Variants in CNIH3 observed in about 807,000 individuals in gnomAD.
CNIH3 encodes the protein protein cornichon homolog 3.
Under a neutral mutation model 24.1 loss-of-function variants are expected in CNIH3, and 14 were observed. That is an observed-to-expected ratio of 0.58 (90% confidence interval 0.38 to 0.91). The LOEUF (loss-of-function observed/expected upper bound fraction) is 0.91. CNIH3 is among the 40% of genes least tolerant of loss of function. The pLI, the probability that CNIH3 is intolerant of heterozygous loss-of-function variation, is 0.00. For synonymous variants in CNIH3, 68 were observed against 73.8 expected (o/e 0.92, Z 0.40); for missense variants, 178 against 196.8 (o/e 0.90, Z 0.57).
At position 224,561,119 on chromosome 1, in the gene CNIH3, T is replaced by C. The variant is rs143403561; in HGVS notation, n.451-5080T>C. Among the ~76,000 whole-genome samples, 6 of 152,336 alleles carry C rather than the reference T, an allele frequency of 3.9e-5. No homozygotes were observed. The East Asian group carries it at 1.2e-3, about 29-fold the overall frequency. ...GATTAACTTTTACCAGTTTTTAATATAGTCTGGTTATGAGCCTCTTAGTTA... is the reference window on the plus strand; with the variant it reads ...GATTAACTTTTACCAGTTTTTAATACAGTCTGGTTATGAGCCTCTTAGTTA... On this transcript the variant is annotated intron_variant and non_coding_transcript_variant, in intron 3 of 5. Coordinates refer to the CNIH3 transcript ENST00000471578.
chr1:224,508,110 A>G (rs1447662942), intron 1 of CNIH3, among the ~76,000 whole-genome samples: 1 of 152,176 alleles, frequency 6.6e-6, no homozygotes, highest in East Asian at 1.9e-4. Context: ...GTGAGAATCT[A>G]CTCCTGAAAT....
chr1:224,667,208 G>A (rs559666964), intron 1 of CNIH3, among the ~76,000 whole-genome samples: 6 of 152,254 alleles, frequency 3.9e-5, no homozygotes, highest in Non-Finnish European at 5.9e-5. Context: ...TAGAATCCTC[G>A]AATTTCATAA....
intron 3 of CNIH3, among the ~76,000 whole-genome samples, chr1:224,610,456 T>A (rs1682637446): frequency 6.6e-6 from 1 of 152,224 alleles, no homozygotes; most frequent in Non-Finnish European, 1.5e-5. Context: ...GGCAATTCCC[T>A]TTCACTCTCT....
intron 1 of CNIH3, among the ~76,000 whole-genome samples, chr1:224,627,718 G>A (rs1683607409): frequency 6.6e-6 from 1 of 152,166 alleles, no homozygotes; most frequent in Non-Finnish European, 1.5e-5. Context: ...GAGTCAATGC[G>A]CTGCCATCTC....
intron 1 of CNIH3, among the ~76,000 whole-genome samples, chr1:224,519,468 A>G (rs1360520486): frequency 2.0e-5 from 3 of 152,198 alleles, no homozygotes; most frequent in South Asian, 2.1e-4. Flanking sequence ...CTTAGCCTCT[A>G]TGATTGCGGG....
At chr1:224,614,193 T>C (rs1339984339), upstream of CNIH3, among the ~76,000 whole-genome samples, 2 of 152,210 alleles carry the variant, frequency 1.3e-5, no homozygotes, top group Non-Finnish European at 2.9e-5. Flanking sequence ...TATTTCTTTA[T>C]AGCAATGCAA....
chr1:224,446,590 T>C (rs1675174940), intron 1 of CNIH3, among the ~76,000 whole-genome samples: 1 of 152,172 alleles, frequency 6.6e-6, no homozygotes, highest in South Asian at 2.1e-4. Context: ...CAACAGGGAC[T>C]TCATCATCAA....
chr1:224,681,175 A>C, intron 2 of CNIH3, 149 bp downstream of exon 2: 1 of 692,040 alleles, frequency 1.4e-6, no homozygotes, highest in South Asian at 1.8e-5. Context: ...GTTGTGGAGG[A>C]GCCTTCTCAT....
chr1:224,685,971 T>G (rs768836572), intron 3 of CNIH3, among the ~76,000 whole-genome samples: 20 of 152,176 alleles, frequency 1.3e-4, no homozygotes, highest in Admixed American at 2.6e-4. Context: ...TTTTTCCAGA[T>G]AATGTCTTGG....
chr1:224,487,446 T>C (rs1451593495), intron 1 of CNIH3, among the ~76,000 whole-genome samples: 1 of 152,176 alleles, frequency 6.6e-6, no homozygotes, highest in Non-Finnish European at 1.5e-5. Flanking sequence ...TTTTGATCTT[T>C]TACCCTCTAG....
rs575633826 is a variant in CNIH3, at chr1:224,448,459, T to TA, written n.203+13598dup. Among the ~76,000 whole-genome samples the TA allele has an allele frequency of 1.1e-3, 166 of 152,326 alleles. 1 individual carries two copies. The highest frequency in any genetic ancestry group is 3.8e-3 in the African/African-American group (160 of 41,574). On this transcript the variant is annotated intron_variant and non_coding_transcript_variant, in intron 1 of 5. Coordinates refer to the CNIH3 transcript ENST00000471578. ...GGGGAGGTAATTATAATTTGATCTT[T>TA]AGATCAGATTCAGACTTAAGAAACA...
chr1:224,680,210 A>G (rs989043873), intron 1 of CNIH3, among the ~76,000 whole-genome samples: 1 of 152,242 alleles, frequency 6.6e-6, no homozygotes, highest in African/African-American at 2.4e-5. Context: ...TTCCTTCTGT[A>G]GCAGACAAGG....
intron 3 of CNIH3, among the ~76,000 whole-genome samples, chr1:224,705,934 T>C (rs1233826047): frequency 4.0e-5 from 6 of 150,656 alleles, no homozygotes. Flanking sequence ...GGAAGCCTTT[T>C]GCTTCCTTCC....
chr1:224,666,894 G>A (rs768381496), intron 1 of CNIH3, among the ~76,000 whole-genome samples: 9 of 152,160 alleles, frequency 5.9e-5, no homozygotes, highest in African/African-American at 1.9e-4. Flanking sequence ...ACGTGCATGC[G>A]GTTGACATAT....
intron 3 of CNIH3, among the ~76,000 whole-genome samples, chr1:224,702,394 A>G (rs1356946914): frequency 6.6e-6 from 1 of 152,202 alleles, no homozygotes; most frequent in Non-Finnish European, 1.5e-5. Context: ...ATAAATTTAT[A>G]CTTTTCTTAA....
intron 3 of CNIH3, among the ~76,000 whole-genome samples, chr1:224,692,366 G>A (rs1287938202): frequency 2.6e-5 from 4 of 152,128 alleles, no homozygotes; most frequent in Admixed American, 6.5e-5. Context: ...GGCACTCCTC[G>A]CCACAAGGGA....
chr1:224,526,790 A>G (rs1423118191), intron 2 of CNIH3, among the ~76,000 whole-genome samples: 1 of 152,184 alleles, frequency 6.6e-6, no homozygotes, highest in Non-Finnish European at 1.5e-5. Context: ...CAGGAGGCAT[A>G]GCGATGGCTT....
At position 224,435,046 on chromosome 1, in the gene CNIH3, G is replaced by C. The variant is rs1488326690; in HGVS notation, n.203+184G>C. 3 of 985,480 alleles carry C rather than the reference G, an allele frequency of 3.0e-6. No individual in the cohort carries two copies. In the African/African-American group the frequency reaches 5.2e-5, roughly 17 times the overall value. The allele number at this position is 985,480 out of a possible 1,614,324, so 61.0% of individuals were successfully genotyped here. A position where few individuals can be genotyped will look rare whatever the true frequency, so the allele number is the denominator to read the frequency against. On this transcript the variant is annotated intron_variant and non_coding_transcript_variant, in intron 1 of 5. Transcript: ENST00000471578. The stretch of plus-strand genomic sequence containing the variant: ...CCTTGCGCCCTGGCTCGGCTGGCTC[G>C]ACGAGCAGTAAGTTCGTAGCCGCCC...
intron 3 of CNIH3, among the ~76,000 whole-genome samples, chr1:224,723,325 C>A (rs1419321601): frequency 1.4e-5 from 2 of 145,992 alleles, no homozygotes; most frequent in Admixed American, 1.3e-4. Flanking sequence ...CTGGTTTTGA[C>A]CCCCCTTCTC....
Sources: gnomAD v4.1 joint callset for allele counts (sites outside exome capture counted in the v4.1 genomes callset) on GRCh38, gnomAD v4.1.1 for gene constraint, MANE v1.5 for transcripts, NCBI Gene and HGNC (gene_info 2026-07-23, HGNC 2026-07-21) for gene names.